The following CHD2 variants were observed in gnomAD, a reference collection of about 807,000 sequenced individuals.
CHD2 encodes the protein ATP-dependent chromatin remodeler CHD2.
In CHD2, 28 loss-of-function variants were observed where a neutral mutation model predicts 243.9. The ratio of observed to expected loss-of-function variants is 0.11; its 90% CI spans 0.09 to 0.16. CHD2 has a LOEUF of 0.16. Among genes scored for constraint, CHD2 ranks in the 10% least tolerant of loss-of-function variants. CHD2 has a pLI of 1.00. For missense variants in CHD2, 1,386 were observed against 2,209.8 expected (o/e 0.63, Z 7.47); for synonymous variants, 775 against 779.0 (o/e 0.99, Z 0.09).
At chr15:92,922,002 C>T (rs1276440315) in intron 2 of CHD2, among the ~76,000 whole-genome samples, 1 of 152,174 alleles carries the variant, frequency 6.6e-6, no homozygotes, top group African/African-American at 2.4e-5. Flanking sequence ...TCAGCTTGGA[C>T]TGTGCAAGGG....
intron 5 of CHD2, among the ~76,000 whole-genome samples, chr15:92,936,518 T>G: frequency 6.6e-6 from 1 of 152,178 alleles, no homozygotes; most frequent in East Asian, 1.9e-4. Flanking sequence ...TAAAACTGTT[T>G]GGGATAGTAG....
At chr15:92,970,076 A>G (rs935361929) in intron 17 of CHD2, among the ~76,000 whole-genome samples, 1 of 151,978 alleles carries the variant, frequency 6.6e-6, no homozygotes, top group Non-Finnish European at 1.5e-5. Context: ...GATTGCTTTA[A>G]TTTTGTTTTT....
chr15:93,021,170 T>C (rs553113703), intron 38 of CHD2: 56 of 152,364 alleles, frequency 3.7e-4, no homozygotes, highest in African/African-American at 1.3e-3. Flanking sequence ...TTGAAAGTAG[T>C]TTTTGCTGAG....
intron 16 of CHD2, among the ~76,000 whole-genome samples, chr15:92,961,972 T>C (rs1049641767): frequency 7.2e-6 from 1 of 138,616 alleles, no homozygotes; most frequent in Admixed American, 8.5e-5. Flanking sequence ...ACCTCCGCCT[T>C]CCAGTTTCAA....
intron 28 of CHD2, among the ~76,000 whole-genome samples, chr15:92,995,120 T>C (rs1390928430): frequency 6.6e-6 from 1 of 152,216 alleles, no homozygotes; most frequent in African/African-American, 2.4e-5. Flanking sequence ...GTGATTTCTT[T>C]GCATTTCTTT....
intron 38 of CHD2, among the ~76,000 whole-genome samples, chr15:93,023,034 T>G (rs80093041): frequency 6.6e-6 from 1 of 152,220 alleles, no homozygotes; most frequent in Non-Finnish European, 1.5e-5. Flanking sequence ...TGAGGTGAAA[T>G]TCATATTACA....
At position 92,997,194 on chromosome 15, in the gene CHD2, CTTT is replaced by C. The variant is rs933208208; in HGVS notation, c.3735-58_3735-56del. On this transcript the variant is annotated intron_variant, in intron 29 of 38. Transcript: ENST00000394196. The surrounding 1 kb of genome is among the most constrained non-coding windows in gnomAD (Gnocchi z 4.1). ...TTCCATAGTATTTTTACTGTCTCTT[CTTT>C]AACATACCAAAAAGGCCCCTCTTCT... 4 of 1,609,204 alleles carry C rather than the reference CTTT, an allele frequency of 2.5e-6. No homozygotes were observed. In the African/African-American group the frequency reaches 5.4e-5, roughly 22 times the overall value.
chr15:92,912,160 C>G (rs575737836), intron 2 of CHD2, among the ~76,000 whole-genome samples: 3 of 151,626 alleles, frequency 2.0e-5, no homozygotes, highest in Admixed American at 6.6e-5. Context: ...TTTTTTTGTT[C>G]GAAACTTAGT....
At chr15:92,901,380 C>A (rs2052526966) in intron 2 of CHD2, 81 bp downstream of exon 2, 1 of 814,516 alleles carries the variant, frequency 1.2e-6, no homozygotes, top group Non-Finnish European at 2.1e-6. Context: ...CCTTGACAGA[C>A]ATGGATTGCT....
intron 16 of CHD2, among the ~76,000 whole-genome samples, chr15:92,960,793 C>T (rs768558238): frequency 6.8e-5 from 10 of 146,172 alleles, no homozygotes; most frequent in Non-Finnish European, 1.3e-4. Flanking sequence ...CGGCTCACTG[C>T]AACCTCCACC....
At chr15:92,904,559 T>A (rs940997464) in intron 2 of CHD2, 4 of 1,012,238 alleles carry the variant, frequency 4.0e-6, no homozygotes, top group Non-Finnish European at 2.4e-6. Context: ...CGTTTGCTCC[T>A]GGCAGTCTTG....
Position 93,020,119 on chromosome 15 carries a change from G to C in CHD2, c.5014G>C (p.Asp1672His). The C allele has an allele frequency of 6.2e-7, 1 of 1,614,142 alleles. No individual in the cohort carries two copies. Among genetic ancestry groups the C allele is most frequent in the Non-Finnish European group, 8.5e-7 (1 of 1,180,022 alleles). Reference protein sequence around the residue: ...HHQYEQHWYKDHHYGDRRHMD... With the variant: ...HHQYEQHWYKHHHYGDRRHMD... ...TCAGTATGAGCAGCACTGGTACAAG[G>C]ACCACCATTATGGGGACCGGCGACA... Residue 1672 changes from aspartate (D) to histidine (H), a missense_variant, in exon 38 of 39, where the codon GAC (aspartate) becomes CAC (histidine). Asp to His is a moderately conservative substitution (Grantham distance 81). Coordinates refer to ENST00000394196, the MANE Select transcript of CHD2 (RefSeq NM_001271.4).
intron 36 of CHD2, among the ~76,000 whole-genome samples, chr15:93,013,006 A>C (rs188776809): frequency 3.3e-5 from 5 of 152,328 alleles, no homozygotes; most frequent in Admixed American, 3.3e-4. Context: ...TTGGACATTG[A>C]GTTCAATCTG....
At chr15:92,943,383 A>G (rs1423000165) in intron 9 of CHD2, 1 of 310,990 alleles carries the variant, frequency 3.2e-6, no homozygotes, top group Admixed American at 4.9e-5. Flanking sequence ...GCACACAGCA[A>G]TTCTGCAAGT....
At chr15:92,994,098 C>CT (rs1165505151) in intron 28 of CHD2, among the ~76,000 whole-genome samples, 1 of 152,176 alleles carries the variant, frequency 6.6e-6, no homozygotes, top group Non-Finnish European at 1.5e-5. Flanking sequence ...TAAGGCTACC[C>CT]TTCTGCAGCT....
chr15:92,967,461 G>C lies in CHD2; in HGVS notation c.2137G>C (p.Val713Leu). The change falls in exon 17 of 39, where the codon GTG becomes CTG. Residue 713 changes from valine (V) to leucine (L), a missense_variant. By Grantham distance (32) the Val-to-Leu change is conservative. This residue lies in a region of CHD2 where 118 missense variants were observed against 266.3 expected (regional missense o/e 0.44). Coordinates refer to ENST00000394196, the MANE Select transcript of CHD2 (RefSeq NM_001271.4). Reference protein sequence around the residue: ...KDVEKSLPAKVEQILRVEMSA... With the variant: ...KDVEKSLPAKLEQILRVEMSA... ...TGTGGAGAAATCCCTTCCTGCTAAAGTGGAACAGATTCTCAGGGTGGAGAT... is the reference window on the plus strand; with the variant it reads ...TGTGGAGAAATCCCTTCCTGCTAAACTGGAACAGATTCTCAGGGTGGAGAT... The C allele has an allele frequency of 6.2e-7, 1 of 1,614,022 alleles. No individual in the cohort carries two copies. The highest frequency in any genetic ancestry group is 8.5e-7 in the Non-Finnish European group (1 of 1,179,970).
intron 26 of CHD2, among the ~76,000 whole-genome samples, 192 bp downstream of exon 26, chr15:92,985,865 C>T (rs981656679): frequency 4.6e-5 from 7 of 152,184 alleles, no homozygotes; most frequent in Non-Finnish European, 1.0e-4. Context: ...GTTGAGATCA[C>T]TTTTATTTGT....
At chr15:92,920,444 A>G (rs2052933334) in intron 2 of CHD2, among the ~76,000 whole-genome samples, 1 of 152,246 alleles carries the variant, frequency 6.6e-6, no homozygotes, top group African/African-American at 2.4e-5. Context: ...TTCAAAGGGA[A>G]TGAGATGGGC....
chr15:92,987,613 A>T (rs2054060225), intron 26 of CHD2, among the ~76,000 whole-genome samples: 1 of 74,326 alleles, frequency 1.3e-5, no homozygotes, highest in Non-Finnish European at 3.4e-5. Flanking sequence ...CTAAAAGAAG[A>T]AGGAAAAAAA....
Sources: allele counts gnomAD v4.1 joint callset (sites outside exome capture counted in the v4.1 genomes callset), GRCh38; gene constraint gnomAD v4.1.1; regional missense constraint gnomAD v4.1.1; non-coding constraint Gnocchi (gnomAD v3.1); transcripts MANE v1.5; gene names NCBI Gene and HGNC (gene_info 2026-07-23, HGNC 2026-07-21).